CADM1: variants seen among roughly 807,000 people sequenced by gnomAD.
The protein encoded by CADM1 is cell adhesion molecule 1.
Under a neutral mutation model 53.1 loss-of-function variants are expected in CADM1, and 15 were observed. The observed-to-expected ratio is 0.28, with a 90% CI of 0.19 to 0.44. CADM1 has a LOEUF of 0.44. Among genes scored for constraint, CADM1 ranks in the 20% least tolerant of loss-of-function variants. CADM1 has a pLI of 1.00. For synonymous variants in CADM1, 281 were observed against 243.0 expected (o/e 1.16, Z -1.45); for missense variants, 434 against 611.3 (o/e 0.71, Z 3.06).
intron 1 of CADM1, among the ~76,000 whole-genome samples, chr11:115,479,712 T>C (rs994575602): frequency 1.3e-5 from 2 of 152,178 alleles, no homozygotes; most frequent in Admixed American, 6.5e-5. Context: ...AAATGTATTA[T>C]AAACAGTGAT....
chr11:115,378,866 T>C (rs1268793704), intron 1 of CADM1, among the ~76,000 whole-genome samples: 1 of 152,220 alleles, frequency 6.6e-6, no homozygotes, highest in African/African-American at 2.4e-5. Context: ...TACCTTGCCC[T>C]CTACAGAAAA....
chr11:115,199,828 C>T (rs1369215699), intron 8 of CADM1, among the ~76,000 whole-genome samples: 1 of 152,210 alleles, frequency 6.6e-6, no homozygotes, highest in African/African-American at 2.4e-5. Context: ...AGTTCACTGT[C>T]CTTTTGTAGA....
chr11:115,426,146 G>A (rs2135282608), intron 1 of CADM1, among the ~76,000 whole-genome samples: 1 of 152,250 alleles, frequency 6.6e-6, no homozygotes, highest in East Asian at 1.9e-4. Flanking sequence ...AGCAGCACCA[G>A]GCATCTCCCA....
intron 8 of CADM1, among the ~76,000 whole-genome samples, chr11:115,209,145 C>T (rs1940831398): frequency 6.6e-6 from 1 of 152,050 alleles, no homozygotes; most frequent in Non-Finnish European, 1.5e-5. Flanking sequence ...GTAGCATGGC[C>T]CAAATAGGCA....
At chr11:115,433,517 T>C (rs558500697) in intron 1 of CADM1, among the ~76,000 whole-genome samples, 1 of 152,222 alleles carries the variant, frequency 6.6e-6, no homozygotes, top group East Asian at 1.9e-4. Context: ...ATAAACCAAT[T>C]TAATTCAAGG....
chr11:115,361,236 C>T (rs1565386523), intron 1 of CADM1, among the ~76,000 whole-genome samples: 1 of 152,140 alleles, frequency 6.6e-6, no homozygotes, highest in Non-Finnish European at 1.5e-5. Flanking sequence ...AGCAAATCAT[C>T]CTTTATAAAC....
chr11:115,476,616 A>G (rs755008570), intron 1 of CADM1, among the ~76,000 whole-genome samples: 5 of 152,216 alleles, frequency 3.3e-5, no homozygotes, highest in Non-Finnish European at 5.9e-5. Context: ...GGCATAATTT[A>G]CACTAAGAAA....
chr11:115,270,460 A>AC (rs2135045679), intron 1 of CADM1, among the ~76,000 whole-genome samples: 1 of 152,084 alleles, frequency 6.6e-6, no homozygotes, highest in African/African-American at 2.4e-5. Flanking sequence ...ACTTCTGGGC[A>AC]CCCCCTCCCC....
At chr11:115,269,369 G>A (rs1943236115) in intron 1 of CADM1, among the ~76,000 whole-genome samples, 1 of 152,058 alleles carries the variant, frequency 6.6e-6, no homozygotes, top group Non-Finnish European at 1.5e-5. Context: ...AAGCCAAGTG[G>A]GCAAATTATC....
intron 1 of CADM1, among the ~76,000 whole-genome samples, chr11:115,484,722 C>T (rs1410867596): frequency 2.6e-5 from 4 of 151,662 alleles, no homozygotes; most frequent in Non-Finnish European, 5.9e-5. Context: ...CCGAGGCGGG[C>T]GGATCACAAG....
At chr11:115,452,001 C>A (rs757570374) in intron 1 of CADM1, among the ~76,000 whole-genome samples, 1 of 152,018 alleles carries the variant, frequency 6.6e-6, no homozygotes, top group African/African-American at 2.4e-5. Flanking sequence ...GAAGAGAAAC[C>A]GAGGGAGAAC....
chr11:115,175,760 A>G lies in CADM1; in HGVS notation c.*714T>C, dbSNP rs1454381558. The G allele has an allele frequency of 1.6e-5, 16 of 993,164 alleles. No homozygotes were observed. The highest frequency in any genetic ancestry group is 1.9e-5 in the Non-Finnish European group (16 of 834,682). 61.5% of individuals were successfully genotyped at this position (993,164 alleles called of 1,614,324 possible). On this transcript the variant is annotated 3_prime_UTR_variant, in exon 12 of 12. Coordinates refer to ENST00000331581, the MANE Select transcript of CADM1 (RefSeq NM_001301043.2). ...TCACTTGCAGATAACCCTGTACAGT[A>G]ATGTAGTTCCACAGCAAACAGAACA...
intron 10 of CADM1, among the ~76,000 whole-genome samples, chr11:115,186,040 G>A (rs1478309664): frequency 6.6e-6 from 1 of 152,192 alleles, no homozygotes; most frequent in East Asian, 1.9e-4. Context: ...TCCCACGGTG[G>A]AAACAGGAGC....
At chr11:115,421,574 T>C (rs963573111) in intron 1 of CADM1, among the ~76,000 whole-genome samples, 1 of 152,224 alleles carries the variant, frequency 6.6e-6, no homozygotes, top group Non-Finnish European at 1.5e-5. Flanking sequence ...GAACACTGCA[T>C]ACAAAATGCA....
In CADM1 at chr11:115,176,402, G is replaced by T. The variant is rs994358952; in HGVS notation, c.*72C>A. The T allele has an allele frequency of 6.2e-7, 1 of 1,604,180 alleles. No homozygotes were observed. The highest frequency in any genetic ancestry group is 8.5e-7 in the Non-Finnish European group (1 of 1,174,098). On this transcript the variant is annotated 3_prime_UTR_variant, in exon 12 of 12. Transcript: ENST00000331581. ...AAAAAAACACACGAATTTCTCGCAAGTTCCAATATCACTGTCTCTTTATCA... is the reference window on the plus strand; with the variant it reads ...AAAAAAACACACGAATTTCTCGCAATTTCCAATATCACTGTCTCTTTATCA...
chr11:115,237,230 C>T (rs1942040029), intron 3 of CADM1, among the ~76,000 whole-genome samples: 1 of 152,188 alleles, frequency 6.6e-6, no homozygotes. Context: ...ACTAAAACCT[C>T]CCATGCTTAC....
chr11:115,504,282 A>T lies in CADM1; in HGVS notation c.113T>A (p.Leu38Gln), dbSNP rs149161235. The T allele has an allele frequency of 4.5e-6, 7 of 1,571,312 alleles. No homozygotes were observed. In the African/African-American group the frequency reaches 9.5e-5, roughly 21 times the overall value. The stretch of plus-strand genomic sequence containing the variant: ...GTGCCCACACCTACCTGTGGGGATC[A>T]GTGCCGCGGCGGAGAAGAGCAACAG... ...LLLLLFSAAA[L>Q]IPTGDGQNLF... Residue 38 changes from leucine (L) to glutamine (Q), a missense_variant, in exon 1 of 12, where the codon CTG becomes CAG. This residue lies in a region of CADM1 where 76 missense variants were observed against 59.8 expected (regional missense o/e 1.27). Coordinates refer to ENST00000331581, the MANE Select transcript of CADM1 (RefSeq NM_001301043.2).
intron 1 of CADM1, among the ~76,000 whole-genome samples, chr11:115,356,404 C>T (rs1241553812): frequency 2.6e-5 from 4 of 151,894 alleles, no homozygotes; most frequent in Non-Finnish European, 4.4e-5. Flanking sequence ...CAGGAGGAAA[C>T]GACAAGTACC....
intron 1 of CADM1, among the ~76,000 whole-genome samples, chr11:115,458,117 GTCTCTCTCTC>G (rs4019424): frequency 1.3e-5 from 2 of 149,264 alleles, no homozygotes; most frequent in African/African-American, 2.5e-5. Flanking sequence ...GGATACTAAA[GTCTCTCTCTC>G]TCTCTCTCTC....
Sources: allele counts gnomAD v4.1 joint callset (sites outside exome capture counted in the v4.1 genomes callset), GRCh38; gene constraint gnomAD v4.1.1; regional missense constraint gnomAD v4.1.1; transcripts MANE v1.5; gene names NCBI Gene and HGNC (gene_info 2026-07-23, HGNC 2026-07-21).